Variants in BACE1 observed in about 807,000 individuals in gnomAD.
The protein encoded by BACE1 is beta-secretase 1, also known as APP beta-secretase.
A neutral mutation model predicts 54.0 loss-of-function variants in BACE1; 21 were observed. The observed-to-expected ratio is 0.39, with a 90% CI of 0.28 to 0.56. BACE1 has a LOEUF of 0.56. Among genes scored for constraint, BACE1 ranks in the 20% least tolerant of loss-of-function variants. The pLI, the probability that BACE1 is intolerant of heterozygous loss-of-function variation, is 0.63. For synonymous variants in BACE1, 232 were observed against 260.9 expected (o/e 0.89, Z 1.07); for missense variants, 511 against 661.2 (o/e 0.77, Z 2.49).
In BACE1 at chr11:117,288,786, A is replaced by G. The variant is rs1041018644; in HGVS notation, c.*780T>C. 3 of 152,252 alleles carry G rather than the reference A, an allele frequency of 2.0e-5. No homozygotes were observed. Among genetic ancestry groups the G allele is most frequent in the African/African-American group, 7.2e-5 (3 of 41,448 alleles). 9.4% of individuals were successfully genotyped at this position (152,252 alleles called of 1,614,324 possible). A position where few individuals can be genotyped will look rare whatever the true frequency, so the allele number is the denominator to read the frequency against. On this transcript the variant is annotated 3_prime_UTR_variant, in exon 9 of 9. Transcript: ENST00000313005. ...CTAAAAAAGAGCTCTTTGGCTAGATAAGCCCTTCCCATCTCACTTTTGGTC... is the reference window on the plus strand; with the variant it reads ...CTAAAAAAGAGCTCTTTGGCTAGATGAGCCCTTCCCATCTCACTTTTGGTC...
At position 117,315,824 on chromosome 11, in the gene BACE1, G is replaced by C; in HGVS notation, c.-29C>G. ...GGGCCCCGGCCTTCGGGCCCTCTGG[G>C]CTCGCACTGGCCCACGTCCGTCCCT... is the stretch of plus-strand genomic sequence containing the variant. On this transcript the variant is annotated 5_prime_UTR_variant, in exon 1 of 9. Transcript: ENST00000313005. The surrounding 1 kb of genome is among the most constrained non-coding windows in gnomAD (Gnocchi z 5.5). 7.2e-7 allele frequency: 1 copy of C among 1,387,090 alleles called. No individual in the cohort carries two copies. The highest frequency in any genetic ancestry group is 9.3e-7 in the Non-Finnish European group (1 of 1,079,998). 85.9% of individuals were successfully genotyped at this position (1,387,090 alleles called of 1,614,324 possible).
chr11:117,303,224 A>ATCCGGGAGTCATC (rs1460616799), intron 1 of BACE1, among the ~76,000 whole-genome samples: 1 of 152,104 alleles, frequency 6.6e-6, no homozygotes, highest in East Asian at 1.9e-4. Flanking sequence ...GCAGCCTGTG[A>ATCCGGGAGTCATC]TCCGGGAGTC....
chr11:117,291,680 ATC>A (rs1315391332), intron 6 of BACE1, 30 bp downstream of exon 6: 2 of 1,494,736 alleles, frequency 1.3e-6, no homozygotes, highest in Admixed American at 3.3e-5. Context: ...ACACTGTACC[ATC>A]TCTTTTACCC....
chr11:117,291,758 T>G lies in BACE1; in HGVS notation c.896A>C (p.Lys299Thr). The G allele has an allele frequency of 6.2e-7, 1 of 1,613,656 alleles. No individual in the cohort carries two copies. Among genetic ancestry groups the G allele is most frequent in the African/African-American group, 1.3e-5 (1 of 75,014 alleles). ...TTTGACTGCAGCTTCAAACACTTTC[T>G]TGGGCAAACGAAGGTTGGTGGTGCC... ...DSGTTNLRLP[K>T]KVFEAAVKSI... Residue 299 changes from lysine to threonine, a missense_variant, in exon 6 of 9, where the codon AAG (lysine) becomes ACG (threonine). Coordinates refer to ENST00000313005, the MANE Select transcript of BACE1 (RefSeq NM_012104.6).
chr11:117,289,662 C>T lies in BACE1; in HGVS notation c.1410G>A (p.Met470Ile). Residue 470 changes from methionine (M) to isoleucine (I), a missense_variant, in exon 9 of 9, where the codon ATG (methionine) becomes ATA (isoleucine). Coordinates refer to ENST00000313005, the MANE Select transcript of BACE1 (RefSeq NM_012104.6). Reference sequence around the variant, plus strand: ...GACACACCATGAGGCAGAGTGGCAGCATGAAGAGGGCGCAGATGGCAGCCA... The same window carrying T: ...GACACACCATGAGGCAGAGTGGCAGTATGAAGAGGGCGCAGATGGCAGCCA... ...YVMAAICALF[M>I]LPLCLMVCQW... 1.2e-6 allele frequency: 2 copies of T among 1,614,178 alleles called. No homozygotes were observed. Among genetic ancestry groups the T allele is most frequent in the Non-Finnish European group, 1.7e-6 (2 of 1,180,026 alleles).
chr11:117,304,480 C>A (rs2034788390), intron 1 of BACE1, among the ~76,000 whole-genome samples: 1 of 152,232 alleles, frequency 6.6e-6, no homozygotes, highest in African/African-American at 2.4e-5. Context: ...TGAATTAAAT[C>A]CTGGGGTCCT....
At chr11:117,306,798 G>A (rs1591867580) in intron 1 of BACE1, among the ~76,000 whole-genome samples, 1 of 152,142 alleles carries the variant, frequency 6.6e-6, no homozygotes, top group African/African-American at 2.4e-5. Flanking sequence ...GCAACAGAGT[G>A]AGACCCTGTC....
chr11:117,290,062 G>A (rs532847878), intron 8 of BACE1, among the ~76,000 whole-genome samples: 1 of 152,124 alleles, frequency 6.6e-6, no homozygotes, highest in Non-Finnish European at 1.5e-5. Context: ...GTAGTTCTGA[G>A]TTGACCAAAA....
chr11:117,310,226 T>C (rs1461049539), intron 1 of BACE1, among the ~76,000 whole-genome samples: 2 of 151,966 alleles, frequency 1.3e-5, no homozygotes, highest in Non-Finnish European at 2.9e-5. Flanking sequence ...TTTAAAAGAA[T>C]AAAAATACTT....
chr11:117,295,569 C>T, intron 2 of BACE1: 1 of 1,535,696 alleles, frequency 6.5e-7, no homozygotes, highest in East Asian at 2.4e-5. Context: ...GCTCTCCTAT[C>T]TATTGCTCAT....
intron 1 of BACE1, among the ~76,000 whole-genome samples, chr11:117,314,931 G>C (rs868047847): frequency 1.1e-4 from 17 of 151,932 alleles, no homozygotes; most frequent in Admixed American, 8.5e-4. Flanking sequence ...AGTGTAGACC[G>C]CGAGAGGGAG....
intron 1 of BACE1, among the ~76,000 whole-genome samples, chr11:117,307,361 G>C (rs761408451): frequency 4.0e-4 from 61 of 152,270 alleles, no homozygotes; most frequent in Non-Finnish European, 7.4e-4. Context: ...GCCCAGGCTG[G>C]AGTGCAGTGG....
chr11:117,286,103 G>A lies in BACE1; in HGVS notation c.*3463C>T, dbSNP rs1279343180. 2.0e-5 allele frequency: 3 copies of A among 152,648 alleles called. No individual in the cohort carries two copies. Among genetic ancestry groups the A allele is most frequent in the Non-Finnish European group, 4.4e-5 (3 of 68,046 alleles). 9.5% of individuals were successfully genotyped at this position (152,648 alleles called of 1,614,324 possible). ...AGCTCCAGACAGGCACTGGGGTGAG[G>A]AGATGTCTGTGCAAAATTACTTGTA... On this transcript the variant is annotated 3_prime_UTR_variant, in exon 9 of 9. Transcript: ENST00000313005.
At chr11:117,313,638 A>C (rs1048092778) in intron 1 of BACE1, among the ~76,000 whole-genome samples, 3 of 152,162 alleles carry the variant, frequency 2.0e-5, no homozygotes, top group Admixed American at 6.5e-5. Flanking sequence ...GGGTTTTGCT[A>C]TGTTAGCCAA....
intron 1 of BACE1, among the ~76,000 whole-genome samples, chr11:117,305,536 CTGGT>C (rs1344175625): frequency 6.6e-6 from 1 of 151,846 alleles, no homozygotes; most frequent in South Asian, 2.1e-4. Context: ...CCACCTCTGG[CTGGT>C]TTTTCAAGGA....
chr11:117,294,130 T>G, intron 3 of BACE1, 122 bp from the exon 4 acceptor site: 1 of 1,149,610 alleles, frequency 8.7e-7, no homozygotes, highest in Non-Finnish European at 1.2e-6. Flanking sequence ...AAGACCATCT[T>G]AAGGCACTGA....
intron 1 of BACE1, among the ~76,000 whole-genome samples, chr11:117,312,678 G>T (rs531959): frequency 6.6e-6 from 1 of 152,144 alleles, no homozygotes; most frequent in Admixed American, 6.5e-5. Flanking sequence ...GGCCAGGCTG[G>T]TCGCGAACTC....
chr11:117,294,195 T>C, intron 3 of BACE1, 187 bp from the exon 4 acceptor site: 1 of 510,874 alleles, frequency 2.0e-6, no homozygotes, highest in Non-Finnish European at 3.4e-6. Context: ...AGGACAGTAT[T>C]GATAGGTTCA....
At chr11:117,302,444 C>G (rs2034746064) in intron 1 of BACE1, among the ~76,000 whole-genome samples, 1 of 152,234 alleles carries the variant, frequency 6.6e-6, no homozygotes, top group Non-Finnish European at 1.5e-5. Flanking sequence ...CATGGTCCCT[C>G]TCGCAAAGGC....
Sources: gnomAD v4.1 joint callset for allele counts (sites outside exome capture counted in the v4.1 genomes callset) on GRCh38, gnomAD v4.1.1 for gene constraint, Gnocchi (gnomAD v3.1) non-coding constraint, MANE v1.5 for transcripts, NCBI Gene and HGNC (gene_info 2026-07-23, HGNC 2026-07-21) for gene names.